SEM1: variants seen among roughly 807,000 people sequenced by gnomAD.
SEM1 encodes the protein SEM1 26S proteasome subunit, also known as 26S proteasome complex subunit SEM1.
SEM1 carries 3 observed loss-of-function variants against 12.7 expected under a neutral mutation model. That is an observed-to-expected ratio of 0.24 (90% confidence interval 0.11 to 0.61). The LOEUF is 0.61. Among genes scored for constraint, SEM1 ranks in the 20% least tolerant of loss-of-function variants. SEM1 has a pLI of 0.88. For missense variants in SEM1, 59 were observed against 81.3 expected, an observed-to-expected ratio of 0.73 and a Z score of 1.06; for synonymous variants, 30 against 27.8, an observed-to-expected ratio of 1.08 and a Z score of -0.25.
rs147540718 is a variant in SEM1 at position 96,543,696 on chromosome 7, G to A, written c.171-36998C>T. Among the ~76,000 whole-genome samples the A allele has an allele frequency of 5.5e-3, 841 of 152,040 alleles. 10 individuals are homozygous for A. Among genetic ancestry groups the A allele is most frequent in the African/African-American group, 0.019 (803 of 41,518 alleles). ...TAGCTCCCATATTCTGGATTCATCA[G>A]GTTTCTGTTCGGTTTTTTAGAATTT... On this transcript the variant is annotated intron_variant and NMD_transcript_variant, in intron 2 of 3. Coordinates refer to the SEM1 transcript ENST00000466986.
At chr7:96,618,060 T>TC (rs545915077), downstream of SEM1, among the ~76,000 whole-genome samples, 74 of 152,308 alleles carry the variant, frequency 4.9e-4, no homozygotes, top group East Asian at 9.8e-3. Flanking sequence ...TACAAAGAGT[T>TC]CCCCCCTCCT....
chr7:96,544,051 T>A (rs968268364), intron 2 of SEM1, among the ~76,000 whole-genome samples: 42 of 152,122 alleles, frequency 2.8e-4, no homozygotes, highest in African/African-American at 9.9e-4. Flanking sequence ...AAGGGGCCAA[T>A]GGAGAACCAA....
intron 2 of SEM1, among the ~76,000 whole-genome samples, chr7:96,629,811 G>A (rs1423816321): frequency 6.6e-6 from 1 of 152,166 alleles, no homozygotes; most frequent in African/African-American, 2.4e-5. Context: ...GAAGGACTTG[G>A]GAGTTGTGAT....
chr7:96,627,562 G>A (rs566862351), intron 2 of SEM1, among the ~76,000 whole-genome samples: 175 of 151,948 alleles, frequency 1.2e-3, no homozygotes, highest in African/African-American at 3.9e-3. Flanking sequence ...TAGTTTCCAC[G>A]TACTCGTATG....
At chr7:96,543,214 C>T (rs1305241242) in intron 2 of SEM1, among the ~76,000 whole-genome samples, 1 of 151,588 alleles carries the variant, frequency 6.6e-6, no homozygotes, top group Non-Finnish European at 1.5e-5. Flanking sequence ...TGTCATATTC[C>T]CTAAACAATA....
chr7:96,541,940 G>T (rs1158950382), intron 2 of SEM1, among the ~76,000 whole-genome samples: 3 of 113,666 alleles, frequency 2.6e-5, no homozygotes, highest in Non-Finnish European at 3.5e-5. Context: ...ATTGGCCTAT[G>T]TGTCTTTTTT....
chr7:96,552,780 A>G (rs1460457778), intron 2 of SEM1, among the ~76,000 whole-genome samples: 1 of 152,112 alleles, frequency 6.6e-6, no homozygotes, highest in Non-Finnish European at 1.5e-5. Context: ...ACTGACTTCC[A>G]CAATGGTTGA....
At chr7:96,529,622 A>AC (rs1804580663) in intron 2 of SEM1, among the ~76,000 whole-genome samples, 1 of 152,044 alleles carries the variant, frequency 6.6e-6, no homozygotes, top group Admixed American at 6.6e-5. Context: ...CTTGATAAAA[A>AC]AAAAATTGTA....
At chr7:96,548,476 T>C (rs1805168971) in intron 2 of SEM1, among the ~76,000 whole-genome samples, 1 of 152,150 alleles carries the variant, frequency 6.6e-6, no homozygotes, top group Admixed American at 6.6e-5. Context: ...ATCTGTATTT[T>C]AACAAAATCC....
intron 2 of SEM1, among the ~76,000 whole-genome samples, chr7:96,579,024 A>G (rs1806297195): frequency 6.6e-6 from 1 of 152,200 alleles, no homozygotes; most frequent in African/African-American, 2.4e-5. Context: ...AACCACACTA[A>G]AACTGTGAGA....
At chr7:96,684,729 GTTCTC>G (rs1789713895), downstream of SEM1, among the ~76,000 whole-genome samples, 1 of 152,016 alleles carries the variant, frequency 6.6e-6, no homozygotes, top group Admixed American at 6.6e-5. Context: ...ATAATGAAGG[GTTCTC>G]TTCTCATCAA....
intron 1 of SEM1, among the ~76,000 whole-genome samples, chr7:96,700,288 T>C (rs1790231725): frequency 6.6e-6 from 1 of 152,072 alleles, no homozygotes; most frequent in African/African-American, 2.4e-5. Flanking sequence ...ACAATACAAT[T>C]TCCACCAAAC....
chr7:96,546,832 A>G (rs894476447), intron 2 of SEM1, among the ~76,000 whole-genome samples: 8 of 151,944 alleles, frequency 5.3e-5, no homozygotes, highest in African/African-American at 1.7e-4. Flanking sequence ...GTCATGCTTC[A>G]GCCTAAAGCA....
intron 2 of SEM1, among the ~76,000 whole-genome samples, chr7:96,632,693 A>G (rs1479790349): frequency 1.3e-5 from 2 of 152,074 alleles, no homozygotes; most frequent in African/African-American, 4.8e-5. Context: ...CCCAGAATAT[A>G]AAGTATAATA....
intron 2 of SEM1, among the ~76,000 whole-genome samples, chr7:96,631,380 T>G (rs1278045734): frequency 1.3e-5 from 2 of 152,078 alleles, no homozygotes; most frequent in African/African-American, 4.8e-5. Flanking sequence ...TTCATCCAGT[T>G]TTTTTCTTTT....
At chr7:96,644,700 C>T (rs1808726118) in intron 2 of SEM1, among the ~76,000 whole-genome samples, 1 of 152,254 alleles carries the variant, frequency 6.6e-6, no homozygotes, top group East Asian at 1.9e-4. Flanking sequence ...TGCAGTGTGA[C>T]GTGGAGCACT....
intron 2 of SEM1, among the ~76,000 whole-genome samples, chr7:96,644,074 C>CTGGCTTGTTA (rs1808708514): frequency 6.6e-6 from 1 of 151,978 alleles, no homozygotes; most frequent in Non-Finnish European, 1.5e-5. Context: ...TAACCCTTTA[C>CTGGCTTGTTA]TGGCTTGTTC....
At chr7:96,531,694 T>C (rs1204025037) in intron 2 of SEM1, among the ~76,000 whole-genome samples, 2 of 151,844 alleles carry the variant, frequency 1.3e-5, no homozygotes, top group African/African-American at 2.4e-5. Context: ...AAAATAAGAA[T>C]ACATGACAAG....
At chr7:96,553,388 G>A (rs1474855974) in intron 2 of SEM1, among the ~76,000 whole-genome samples, 3 of 150,182 alleles carry the variant, frequency 2.0e-5, no homozygotes. Flanking sequence ...GTAAGGAAGG[G>A]ATCCAGTTTC....
Sources: allele counts gnomAD v4.1 joint callset (sites outside exome capture counted in the v4.1 genomes callset), GRCh38; gene constraint gnomAD v4.1.1; transcripts MANE v1.5; gene names NCBI Gene and HGNC (gene_info 2026-07-23, HGNC 2026-07-21).